CLDN7: variants seen among roughly 807,000 people sequenced by gnomAD.
The protein encoded by CLDN7 is claudin 7.
Under a neutral mutation model 20.3 loss-of-function variants are expected in CLDN7, and 15 were observed. The ratio of observed to expected loss-of-function variants is 0.74; its 90% CI spans 0.49 to 1.14. CLDN7 has a LOEUF of 1.14. CLDN7 is among the 50% of genes most tolerant of loss of function. CLDN7 has a pLI of 0.00. For missense variants in CLDN7, 261 were observed against 274.2 expected, an observed-to-expected ratio of 0.95 and a Z score of 0.34; for synonymous variants, 117 against 106.1, an observed-to-expected ratio of 1.10 and a Z score of -0.63.
At position 7,261,962 on chromosome 17, in the gene CLDN7, G is replaced by A; in HGVS notation, c.82C>T (p.Pro28Ser). Residue 28 changes from proline (P) to serine (S), a missense_variant, in exon 1 of 4, where the codon CCG becomes TCG. Transcript: ENST00000360325. ...WVGLVACTAI[P>S]QWQMSSYAGD... Reference sequence around the variant, plus strand: ...GCATAGGAGCTCATCTGCCACTGCGGGATGGCGGTGCAGGCCACCAGACCC... The same window carrying A: ...GCATAGGAGCTCATCTGCCACTGCGAGATGGCGGTGCAGGCCACCAGACCC... The A allele has an allele frequency of 6.2e-7, 1 of 1,614,114 alleles. No individual in the cohort carries two copies. The highest frequency in any genetic ancestry group is 1.1e-5 in the South Asian group (1 of 91,070).
In CLDN7 at chr17:7,260,404, A is replaced by C. The variant is rs3744400; in HGVS notation, c.606T>G (p.Pro202=). 31,091 of 1,612,334 alleles carry C rather than the reference A, an allele frequency of 0.019. 2,193 individuals are homozygous for C. In the East Asian group the frequency reaches 0.28, roughly 15 times the overall value. The stretch of plus-strand genomic sequence containing the variant: ...CATACTCCTTGGAAGAGTTGGACTT[A>C]GGGTAAGAGCGGGGTACACGGTACC... The part of the protein sequence containing the change: ...KAGYRVPRSY[P]KSNSSKEYV Residue 202 remains proline (P), a synonymous_variant, in exon 4 of 4, where the codon CCT becomes CCG. Transcript: ENST00000360325.
Position 7,260,533 on chromosome 17 carries a change from A to G in CLDN7, c.477T>C (p.Tyr159=). 6.2e-7 allele frequency: 1 copy of G among 1,612,020 alleles called. No individual in the cohort carries two copies. Among genetic ancestry groups the G allele is most frequent in the Non-Finnish European group, 8.5e-7 (1 of 1,178,778 alleles). ...CAATAAAGATGGCAGGGCCAAACTC[A>G]TACCTGTGAAGAGAAGGGGGTGGTT... The part of the protein sequence containing the change: ...YNPLIPTNIK[Y]EFGPAIFIGW... The change falls in exon 4 of 4, where the codon TAT becomes TAC. Residue 159 remains tyrosine, a synonymous_variant. Coordinates refer to ENST00000360325, the MANE Select transcript of CLDN7 (RefSeq NM_001307.6).
chr17:7,261,880 A>G lies in CLDN7; in HGVS notation c.164T>C (p.Val55Ala), dbSNP rs199539972. Residue 55 changes from valine (V) to alanine (A), a missense_variant, in exon 1 of 4, where the codon GTC (valine) becomes GCC (alanine). Val to Ala is a moderately conservative substitution (Grantham distance 64, BLOSUM62 0). Around this residue, in one of 2 missense-constraint regions of CLDN7, gnomAD observed 46 missense variants for 74.6 expected, o/e 0.62. Coordinates refer to ENST00000360325, the MANE Select transcript of CLDN7 (RefSeq NM_001307.6). ...AMYKGLWMDC[V>A]TQSTGMMSCK... Reference sequence around the variant, plus strand: ...GCTCATCATCCCCGTGCTCTGCGTGACGCAGTCCATCCACAGCCCCTTGTA... The same window carrying G: ...GCTCATCATCCCCGTGCTCTGCGTGGCGCAGTCCATCCACAGCCCCTTGTA... 6.2e-7 allele frequency: 1 copy of G among 1,614,188 alleles called. No homozygotes were observed.
At chr17:7,262,935 C>CTT (rs137931761), upstream of CLDN7, 5 of 153,670 alleles carry the variant, frequency 3.3e-5, no homozygotes, top group Non-Finnish European at 5.8e-5. The surrounding 1 kb of genome is among the most constrained non-coding windows in gnomAD (Gnocchi z 6.6). Context: ...CGCTGCTCTC[C>CTT]TTTTTTTTCC....
Position 7,262,390 on chromosome 17 carries a change from G to A in CLDN7, c.-347C>T. On this transcript the variant is annotated 5_prime_UTR_variant, in exon 1 of 4. Coordinates refer to ENST00000360325, the MANE Select transcript of CLDN7 (RefSeq NM_001307.6). The surrounding 1 kb of genome is among the most constrained non-coding windows in gnomAD (Gnocchi z 6.6). Reference sequence around the variant, plus strand: ...GGGCCGTCTGGGCGCGTTTCTGAGCGCCGGCAAGTCCCAAAGTATCCTGGG... The same window carrying A: ...GGGCCGTCTGGGCGCGTTTCTGAGCACCGGCAAGTCCCAAAGTATCCTGGG... 7 of 1,189,422 alleles carry A rather than the reference G, an allele frequency of 5.9e-6. No individual in the cohort carries two copies. The highest frequency in any genetic ancestry group is 7.4e-6 in the Non-Finnish European group (7 of 950,234). The allele number at this position is 1,189,422 out of a possible 1,614,324, so 73.7% of individuals were successfully genotyped here.
chr17:7,261,993 G>A lies in CLDN7; in HGVS notation c.51C>T (p.Gly17=). The change falls in exon 1 of 4, where the codon GGC becomes GGT. Residue 17 remains glycine, a synonymous_variant. Transcript: ENST00000360325. ...QLLGFSMALL[G]WVGLVACTAI... is the part of the protein sequence containing the mutation. ...CGGTGCAGGCCACCAGACCCACCCA[G>A]CCCAGCAGGGCCATGGAGAAGCCCA... 1 of 1,614,022 alleles carries A rather than the reference G, an allele frequency of 6.2e-7. No individual in the cohort carries two copies. The highest frequency in any genetic ancestry group is 8.5e-7 in the Non-Finnish European group (1 of 1,180,012).
Position 7,260,676 on chromosome 17 carries a change from CTG to C in CLDN7, c.437_438del (p.Thr146ArgfsTer4), listed in dbSNP as rs2072194314. The C allele has an allele frequency of 1.2e-6, 2 of 1,614,204 alleles. No individual in the cohort carries two copies. Among genetic ancestry groups the C allele is most frequent in the Non-Finnish European group, 1.7e-6 (2 of 1,180,050 alleles). ...ACSWYGHQIV[T>X]DFYNPLIPTN... ...GTAGGGATCAAAGGGTTATAAAAGT[CTG>C]TGACAATCTGATGGCCATACCAGGA... On this transcript the variant is annotated frameshift_variant, in exon 3 of 4. Coordinates refer to ENST00000360325, the MANE Select transcript of CLDN7 (RefSeq NM_001307.6). LOFTEE classifies it high-confidence loss of function.
In CLDN7 at chr17:7,260,138, C is replaced by A; in HGVS notation, c.*236G>T. On this transcript the variant is annotated 3_prime_UTR_variant, in exon 4 of 4. Coordinates refer to ENST00000360325, the MANE Select transcript of CLDN7 (RefSeq NM_001307.6). ...GAGGCCCTGAAGGGAAAAAAGCCTG[C>A]TTCCCAATACTTATTTTTTATTACT... 2.4e-6 allele frequency: 1 copy of A among 413,504 alleles called. No homozygotes were observed. The highest frequency in any genetic ancestry group is 4.4e-5 in the South Asian group (1 of 22,508). 25.6% of individuals were successfully genotyped at this position (413,504 alleles called of 1,614,324 possible).
At position 7,262,424 on chromosome 17, in the gene CLDN7, C is replaced by T; in HGVS notation, c.-381G>A. 2 of 1,101,278 alleles carry T rather than the reference C, an allele frequency of 1.8e-6. No homozygotes were observed. The highest frequency in any genetic ancestry group is 1.1e-6 in the Non-Finnish European group (1 of 898,912). The allele number at this position is 1,101,278 out of a possible 1,614,324, so 68.2% of individuals were successfully genotyped here. A position where few individuals can be genotyped will look rare whatever the true frequency, so the allele number is the denominator to read the frequency against. ...TCCCAAAGTATCCTGGGCTGTAGGT[C>T]CGAGGCTGCGGTGCGCAGCAGAGGT... is the stretch of plus-strand genomic sequence containing the variant. On this transcript the variant is annotated 5_prime_UTR_variant, in exon 1 of 4. Transcript: ENST00000360325. This position sits in a 1 kb window ranked among gnomAD's most constrained non-coding sequence, Gnocchi z 6.6.
At chr17:7,262,955 C>G (rs747325905), upstream of CLDN7, 1 of 156,458 alleles carries the variant, frequency 6.4e-6, no homozygotes, top group Non-Finnish European at 1.5e-5. The surrounding 1 kb of genome is among the most constrained non-coding windows in gnomAD (Gnocchi z 6.6). Context: ...CTGTCTCCTA[C>G]CCTGGTCGAT....
In CLDN7 at chr17:7,260,368, C is replaced by A; in HGVS notation, c.*6G>T. On this transcript the variant is annotated 3_prime_UTR_variant, in exon 4 of 4. Transcript: ENST00000360325. ...GCCTGTCAGGCTGGGGCAAGGAGAT[C>A]CCAGGTCACACATACTCCTTGGAAG... is the stretch of plus-strand genomic sequence containing the variant. 1 of 1,598,846 alleles carries A rather than the reference C, an allele frequency of 6.3e-7. No individual in the cohort carries two copies. Among genetic ancestry groups the A allele is most frequent in the South Asian group, 1.1e-5 (1 of 88,804 alleles).
intron 1 of CLDN7, 89 bp from the exon 2 acceptor site, chr17:7,261,074 A>T: frequency 6.7e-7 from 1 of 1,483,148 alleles, no homozygotes; most frequent in East Asian, 2.5e-5. Flanking sequence ...TAACCGCTGG[A>T]CCTCTTCTGT....
chr17:7,261,051 C>T, intron 1 of CLDN7, 66 bp from the exon 2 acceptor site: 3 of 1,520,132 alleles, frequency 2.0e-6, no homozygotes, highest in Non-Finnish European at 2.6e-6. Context: ...TTCGTGCCGC[C>T]GGCCGCGCCC....
chr17:7,261,143 C>T, intron 1 of CLDN7, 158 bp from the exon 2 acceptor site: 3 of 971,910 alleles, frequency 3.1e-6, no homozygotes, highest in East Asian at 2.7e-5. Context: ...CTGGGCCAAG[C>T]GGGCAGGTCC....
Position 7,260,202 on chromosome 17 carries a change from C to T in CLDN7, c.*172G>A. 3 of 597,766 alleles carry T rather than the reference C, an allele frequency of 5.0e-6. No homozygotes were observed. Among genetic ancestry groups the T allele is most frequent in the Non-Finnish European group, 8.3e-6 (3 of 362,134 alleles). 37.0% of individuals were successfully genotyped at this position (597,766 alleles called of 1,614,324 possible). ...ACTCTCCCTCTTTTTGTCTCTCCCA[C>T]CAACGGCACCCCCCCACCCCCAACC... On this transcript the variant is annotated 3_prime_UTR_variant, in exon 4 of 4. Transcript: ENST00000360325.
intron 1 of CLDN7, 40 bp downstream of exon 1, chr17:7,261,781 G>C (rs973931586): frequency 1.3e-6 from 2 of 1,595,816 alleles, no homozygotes; most frequent in African/African-American, 2.7e-5. Flanking sequence ...CCGCCACCTC[G>C]GTCAAGGGCG....
intron 1 of CLDN7, among the ~76,000 whole-genome samples, chr17:7,261,487 T>C (rs1485376526): frequency 6.6e-6 from 1 of 152,052 alleles, no homozygotes; most frequent in Non-Finnish European, 1.5e-5. Context: ...GGGCCGTTTC[T>C]GTCTGAGAAA....
Position 7,260,968 on chromosome 17 carries a change from G to T in CLDN7, c.241C>A (p.Arg81=). 6.2e-7 allele frequency: 1 copy of T among 1,612,376 alleles called. No homozygotes were observed. Among genetic ancestry groups the T allele is most frequent in the Non-Finnish European group, 8.5e-7 (1 of 1,179,882 alleles). ...ACCAGGGAGACCACCATTAGGGCTC[G>T]AGTGGCCTGCAAGGCCGCTGCGGGC... ...LALSAALQAT[R]ALMVVSLVLG... is the part of the protein sequence containing the mutation. Residue 81 remains arginine (R), a synonymous_variant, in exon 2 of 4, where the codon CGA becomes AGA. Coordinates refer to ENST00000360325, the MANE Select transcript of CLDN7 (RefSeq NM_001307.6).
At chr17:7,261,462 G>A (rs999712121) in intron 1 of CLDN7, among the ~76,000 whole-genome samples, 3 of 152,018 alleles carry the variant, frequency 2.0e-5, no homozygotes, top group African/African-American at 7.2e-5. Context: ...GGCGCGCCCC[G>A]TGCCCCGCGC....
Sources: allele counts gnomAD v4.1 joint callset (sites outside exome capture counted in the v4.1 genomes callset), GRCh38; gene constraint gnomAD v4.1.1; regional missense constraint gnomAD v4.1.1; non-coding constraint Gnocchi (gnomAD v3.1); transcripts MANE v1.5; gene names NCBI Gene and HGNC (gene_info 2026-07-23, HGNC 2026-07-21).